Variants in CDH20 observed in about 807,000 individuals in gnomAD.
CDH20 encodes the protein cadherin-20.
CDH20 carries 29 observed loss-of-function variants against 74.2 expected under a neutral mutation model. The ratio of observed to expected loss-of-function variants is 0.39; its 90% CI spans 0.29 to 0.53. CDH20 has a LOEUF of 0.53. Among genes scored for constraint, CDH20 ranks in the 20% least tolerant of loss-of-function variants. The probability of loss-of-function intolerance (pLI) is 0.69; values close to 1 mark genes in which losing one functional copy is unlikely to be tolerated. For synonymous variants in CDH20, 469 were observed against 405.4 expected, an observed-to-expected ratio of 1.16 and a Z score of -1.88; for missense variants, 988 against 1,048.3, an observed-to-expected ratio of 0.94 and a Z score of 0.79.
chr18:61,364,022 CT>C (rs1390874561), intron 1 of CDH20, among the ~76,000 whole-genome samples: 2 of 152,230 alleles, frequency 1.3e-5, no homozygotes, highest in Non-Finnish European at 2.9e-5. Context: ...ACCAGATACA[CT>C]TGGAACTGCA....
At chr18:61,466,086 C>CTATATATATATATATA in intron 1 of CDH20, among the ~76,000 whole-genome samples, 1 of 142,316 alleles carries the variant, frequency 7.0e-6, no homozygotes, top group African/African-American at 2.7e-5. Context: ...TCTCATTAAG[C>CTATATATATATATATA]TATATATATA....
intron 1 of CDH20, among the ~76,000 whole-genome samples, chr18:61,340,981 G>A (rs1402133433): frequency 6.6e-6 from 1 of 152,124 alleles, no homozygotes; most frequent in Non-Finnish European, 1.5e-5. Flanking sequence ...TGCATCAAAG[G>A]ATATCTTTTC....
chr18:61,497,751 C>T (rs539146942), intron 2 of CDH20, among the ~76,000 whole-genome samples: 42 of 152,284 alleles, frequency 2.8e-4, no homozygotes, highest in African/African-American at 9.6e-4. Flanking sequence ...CATAAAATAA[C>T]TCATCAAGGG....
intron 1 of CDH20, among the ~76,000 whole-genome samples, chr18:61,417,953 T>C (rs1321700809): frequency 6.6e-6 from 1 of 152,140 alleles, no homozygotes; most frequent in Admixed American, 6.5e-5. Context: ...GTATCCATAA[T>C]AACTAAAAAT....
chr18:61,401,374 G>T (rs1046150230), intron 1 of CDH20, among the ~76,000 whole-genome samples: 2 of 152,146 alleles, frequency 1.3e-5, no homozygotes, highest in African/African-American at 4.8e-5. Context: ...GCACTATTGG[G>T]TTCTATACAT....
intron 1 of CDH20, among the ~76,000 whole-genome samples, chr18:61,447,995 T>C (rs1288852276): frequency 6.6e-6 from 1 of 152,194 alleles, no homozygotes; most frequent in Non-Finnish European, 1.5e-5. Context: ...ATGCTGGTTT[T>C]GAACTCAGGC....
chr18:61,334,591 C>G (rs1344384654), intron 1 of CDH20, among the ~76,000 whole-genome samples: 2 of 152,164 alleles, frequency 1.3e-5, no homozygotes, highest in Non-Finnish European at 2.9e-5. Flanking sequence ...GCAAAGAGAA[C>G]GTTACCGAGG....
intron 1 of CDH20, among the ~76,000 whole-genome samples, chr18:61,458,557 G>A (rs966644711): frequency 6.6e-6 from 1 of 152,138 alleles, no homozygotes; most frequent in African/African-American, 2.4e-5. Flanking sequence ...CTTTGATTCT[G>A]TAGGCAGCAA....
At chr18:61,529,588 G>A (rs1912566934) in intron 7 of CDH20, among the ~76,000 whole-genome samples, 1 of 152,166 alleles carries the variant, frequency 6.6e-6, no homozygotes, top group Non-Finnish European at 1.5e-5. Context: ...GGAGAGATTA[G>A]TCAACCATAT....
Position 61,555,202 on chromosome 18 carries a change from A to T in CDH20, c.*507A>T. On this transcript the variant is annotated 3_prime_UTR_variant, in exon 12 of 12. Transcript: ENST00000262717. ...ACTTGTTACTCAGTGAAATTAACCTACTTGTTCTGGGATGGATGGAATTTC... is the reference window on the plus strand; with the variant it reads ...ACTTGTTACTCAGTGAAATTAACCTTCTTGTTCTGGGATGGATGGAATTTC... The T allele has an allele frequency of 1.0e-6, 1 of 974,872 alleles. No homozygotes were observed. The highest frequency in any genetic ancestry group is 1.2e-6 in the Non-Finnish European group (1 of 829,426). The allele number at this position is 974,872 out of a possible 1,614,324, so 60.4% of individuals were successfully genotyped here.
intron 1 of CDH20, among the ~76,000 whole-genome samples, chr18:61,457,900 T>A (rs1186608164): frequency 6.6e-6 from 1 of 152,170 alleles, no homozygotes; most frequent in Non-Finnish European, 1.5e-5. Context: ...CCCTCTTATG[T>A]CCTAATTTTA....
rs190921252 is a variant in CDH20, at chr18:61,385,003, C to T, written c.-153+51176C>T. 2.6e-5 allele frequency among the ~76,000 whole-genome samples: 4 copies of T among 152,126 alleles called. No individual in the cohort carries two copies. In the East Asian group the frequency reaches 5.8e-4, roughly 22 times the overall value. On this transcript the variant is annotated intron_variant, in intron 1 of 11. Transcript: ENST00000262717. ...GTTTAGATGCATTATCTCCTTTTAC[C>T]GTCTCATTAACCCTATCAAGAAGAT...
intron 5 of CDH20, among the ~76,000 whole-genome samples, chr18:61,505,036 T>C (rs1278451514): frequency 2.6e-5 from 4 of 152,194 alleles, no homozygotes; most frequent in African/African-American, 7.2e-5. Flanking sequence ...GGTGATTCTG[T>C]GGGTTCCATC....
chr18:61,425,931 T>C (rs186733799), intron 1 of CDH20, among the ~76,000 whole-genome samples: 79 of 152,314 alleles, frequency 5.2e-4, no homozygotes, highest in Non-Finnish European at 9.7e-4. Flanking sequence ...AGACTTAATA[T>C]TGTTAAGACG....
chr18:61,486,166 A>G (rs777575118), intron 1 of CDH20, among the ~76,000 whole-genome samples: 17 of 152,230 alleles, frequency 1.1e-4, no homozygotes, highest in Non-Finnish European at 2.1e-4. Flanking sequence ...TTAGTAAATG[A>G]AAACAACTTC....
At chr18:61,536,681 TAG>T in intron 8 of CDH20, 52 bp downstream of exon 8, 1 of 1,529,996 alleles carries the variant, frequency 6.5e-7, no homozygotes, top group East Asian at 2.3e-5. Flanking sequence ...ATAGGTGTTA[TAG>T]AAAGTGGAAG....
chr18:61,347,117 C>G (rs1910136507), intron 1 of CDH20, among the ~76,000 whole-genome samples: 1 of 151,346 alleles, frequency 6.6e-6, no homozygotes, highest in African/African-American at 2.4e-5. Context: ...AAAGGGTTAA[C>G]CGAGGAAGTT....
chr18:61,454,846 C>A (rs1209894413), intron 1 of CDH20, among the ~76,000 whole-genome samples: 3 of 152,192 alleles, frequency 2.0e-5, no homozygotes, highest in African/African-American at 7.2e-5. Flanking sequence ...GTTTGTAGGT[C>A]CCCATTGTGG....
At chr18:61,453,509 G>C (rs771397473) in intron 1 of CDH20, among the ~76,000 whole-genome samples, 7 of 152,158 alleles carry the variant, frequency 4.6e-5, no homozygotes, top group Admixed American at 1.3e-4. Context: ...TCAAACTCCT[G>C]ACCTCGTGAT....
Sources: gnomAD v4.1 joint callset for allele counts (sites outside exome capture counted in the v4.1 genomes callset) on GRCh38, gnomAD v4.1.1 for gene constraint, MANE v1.5 for transcripts, NCBI Gene and HGNC (gene_info 2026-07-23, HGNC 2026-07-21) for gene names.